The following MCRIP1 variants were observed in gnomAD, a reference collection of about 807,000 sequenced individuals.
The protein encoded by MCRIP1 is MAPK regulated corepressor interacting protein 1.
Under a neutral mutation model 14.4 loss-of-function variants are expected in MCRIP1, and 10 were observed. That is an observed-to-expected ratio of 0.70 (90% CI 0.43 to 1.18). The LOEUF (loss-of-function observed/expected upper bound fraction) is 1.18. Among genes scored for constraint, MCRIP1 ranks in the 50% most tolerant of loss-of-function variants. The pLI is 0.00. For synonymous variants in MCRIP1, 53 were observed against 55.7 expected (o/e 0.95, Z 0.21); for missense variants, 119 against 135.4 (o/e 0.88, Z 0.60).
At position 81,823,079 on chromosome 17, in the gene MCRIP1, G is replaced by A; in HGVS notation, c.*168C>T. 1.5e-6 allele frequency: 1 copy of A among 683,510 alleles called. No individual in the cohort carries two copies. The highest frequency in any genetic ancestry group is 2.3e-5 in the Admixed American group (1 of 43,952). The allele number at this position is 683,510 out of a possible 1,614,324, so 42.3% of individuals were successfully genotyped here. A position where few individuals can be genotyped will look rare whatever the true frequency, so the allele number is the denominator to read the frequency against. On this transcript the variant is annotated 3_prime_UTR_variant, in exon 5 of 5. Transcript: ENST00000455127. This position sits in a 1 kb window ranked among gnomAD's most constrained non-coding sequence, Gnocchi z 6.0. ...CCTGAGACCCCCAAGGATGAAGGAA[G>A]GGGGCTTGGGAAGGAGAGGCAGGCC...
intron 1 of MCRIP1, chr17:81,826,058 T>G: frequency 6.9e-7 from 1 of 1,453,580 alleles, no homozygotes. Flanking sequence ...CCGTGGCTCT[T>G]CTCCCCATGC....
At chr17:81,824,949 A>T in intron 1 of MCRIP1, 2 of 1,107,368 alleles carry the variant, frequency 1.8e-6, no homozygotes, top group Non-Finnish European at 2.2e-6. Context: ...CTCTCACTGC[A>T]GCAGAGGGCC....
chr17:81,823,473 C>T lies in MCRIP1; in HGVS notation c.168G>A (p.Pro56=), dbSNP rs1378548401. 7.8e-6 allele frequency: 12 copies of T among 1,536,504 alleles called. No individual in the cohort carries two copies. Among genetic ancestry groups the T allele is most frequent in the Middle Eastern group, 1.7e-4 (1 of 6,006 alleles). The change falls in exon 4 of 5, where the codon CCG becomes CCA. Residue 56 remains proline, a synonymous_variant. Coordinates refer to ENST00000455127, the MANE Select transcript of MCRIP1 (RefSeq NM_207368.5). The surrounding 1 kb of genome is among the most constrained non-coding windows in gnomAD (Gnocchi z 6.0). ...GVERDLRGQV[P]GGERGLVEEY... ...CCTCCACCAGGCCCCGCTCGCCACC[C>T]GGCACCTGGCCTCGCAGGTCTCGCT...
chr17:81,825,662 CAA>C (rs1256370476), intron 1 of MCRIP1: 7 of 1,289,302 alleles, frequency 5.4e-6, no homozygotes. Context: ...GCAAAACCAG[CAA>C]AGAGCAGAAA....
intron 1 of MCRIP1, chr17:81,825,550 G>C: frequency 7.8e-7 from 1 of 1,284,876 alleles, no homozygotes; most frequent in Non-Finnish European, 1.0e-6. Flanking sequence ...CCCTCACAGA[G>C]GGCCAGGAGC....
intron 1 of MCRIP1, among the ~76,000 whole-genome samples, chr17:81,831,176 A>AAAAAAAAAAG (rs2038510808): frequency 6.7e-6 from 1 of 149,688 alleles, no homozygotes; most frequent in African/African-American, 2.5e-5. Context: ...TGTCTCTCAA[A>AAAAAAAAAAG]AAAAAAAAAA....
intron 1 of MCRIP1, chr17:81,825,333 G>A (rs765915073): frequency 1.0e-5 from 12 of 1,164,480 alleles, no homozygotes; most frequent in Non-Finnish European, 1.3e-5. Flanking sequence ...AGGCTGGACA[G>A]TGTCCCCACT....
intron 1 of MCRIP1, among the ~76,000 whole-genome samples, chr17:81,829,157 G>A (rs1253324776): frequency 6.6e-6 from 1 of 152,148 alleles, no homozygotes; most frequent in Non-Finnish European, 1.5e-5. Context: ...GCACACGGCA[G>A]ACGGCCACCT....
Position 81,823,849 on chromosome 17 carries a change from C to T in MCRIP1, c.128-336G>A, listed in dbSNP as rs568333818. The stretch of plus-strand genomic sequence containing the variant: ...TTCCCACCTCATCCACGCACCTCCC[C>T]GGCCCCAGCACACGGCACACTCCCC... On this transcript the variant is annotated intron_variant, in intron 3 of 4. Transcript: ENST00000455127. The surrounding 1 kb of genome is among the most constrained non-coding windows in gnomAD (Gnocchi z 6.0). The T allele has an allele frequency of 2.0e-5, 11 of 552,232 alleles. No homozygotes were observed. Among genetic ancestry groups the T allele is most frequent in the South Asian group, 1.3e-4 (6 of 44,542 alleles). The allele number at this position is 552,232 out of a possible 1,614,324, so 34.2% of individuals were successfully genotyped here.
intron 1 of MCRIP1, among the ~76,000 whole-genome samples, chr17:81,831,451 A>C (rs900513285): frequency 2.6e-5 from 4 of 151,972 alleles, no homozygotes; most frequent in African/African-American, 9.7e-5. Flanking sequence ...TTGATTATCA[A>C]GAATGAAACA....
At chr17:81,828,134 G>A (rs1342008161) in intron 1 of MCRIP1, among the ~76,000 whole-genome samples, 1 of 152,056 alleles carries the variant, frequency 6.6e-6, no homozygotes, top group African/African-American at 2.4e-5. Context: ...CCTCTTGTTA[G>A]GAAAAGAAAT....
chr17:81,823,766 AC>A lies in MCRIP1; in HGVS notation c.128-254del. The stretch of plus-strand genomic sequence containing the variant: ...TGGTCAGAGGGACCCCTATGACCCT[AC>A]CCCAGGCTTCCCTGCGCCTCGGAGG... On this transcript the variant is annotated intron_variant, in intron 3 of 4. Transcript: ENST00000455127. This position sits in a 1 kb window ranked among gnomAD's most constrained non-coding sequence, Gnocchi z 6.0. 1 of 587,754 alleles carries A rather than the reference AC, an allele frequency of 1.7e-6. No individual in the cohort carries two copies. Among genetic ancestry groups the A allele is most frequent in the East Asian group, 2.8e-5 (1 of 35,466 alleles). 36.4% of individuals were successfully genotyped at this position (587,754 alleles called of 1,614,324 possible).
chr17:81,824,703 G>A (rs762744537), intron 1 of MCRIP1, 149 bp from the exon 2 acceptor site: 468 of 1,461,132 alleles, frequency 3.2e-4, no homozygotes, highest in Non-Finnish European at 4.0e-4. Flanking sequence ...CCCACAGGCT[G>A]GGGTCCAGCC....
At chr17:81,824,663 T>C (rs983015732) in intron 1 of MCRIP1, 109 bp from the exon 2 acceptor site, 17 of 1,504,864 alleles carry the variant, frequency 1.1e-5, no homozygotes, top group Non-Finnish European at 1.5e-5. Context: ...GTGAACAAAG[T>C]GCATGGTCCC....
At chr17:81,827,188 G>A (rs1056566112) in intron 1 of MCRIP1, among the ~76,000 whole-genome samples, 2 of 151,934 alleles carry the variant, frequency 1.3e-5, no homozygotes, top group South Asian at 4.2e-4. Flanking sequence ...AACACTTTGG[G>A]AGGCTAAAGA....
In MCRIP1 at chr17:81,823,641, TC is replaced by T; in HGVS notation, c.128-129del. 1.3e-6 allele frequency: 1 copy of T among 767,868 alleles called. No homozygotes were observed. Among genetic ancestry groups the T allele is most frequent in the Non-Finnish European group, 2.1e-6 (1 of 468,770 alleles). 47.6% of individuals were successfully genotyped at this position (767,868 alleles called of 1,614,324 possible). Reference sequence around the variant, plus strand: ...TCTCCCTCAGAAGTGTCCTCCATGCTCCCCCACAGCCCTCTGCCCACCCCAG... The same window carrying T: ...TCTCCCTCAGAAGTGTCCTCCATGCTCCCCACAGCCCTCTGCCCACCCCAG... On this transcript the variant is annotated intron_variant, in intron 3 of 4. Coordinates refer to ENST00000455127, the MANE Select transcript of MCRIP1 (RefSeq NM_207368.5). The surrounding 1 kb of genome is among the most constrained non-coding windows in gnomAD (Gnocchi z 6.0).
At chr17:81,826,365 C>A (rs1411433327) in intron 1 of MCRIP1, 1 of 1,535,648 alleles carries the variant, frequency 6.5e-7, no homozygotes, top group Admixed American at 2.0e-5. Context: ...GCGGCACACA[C>A]CCATATGAAC....
At chr17:81,826,753 A>T in intron 1 of MCRIP1, 1 of 171,714 alleles carries the variant, frequency 5.8e-6, no homozygotes, top group African/African-American at 2.8e-5. Context: ...CGGGAGGTGG[A>T]GGTGCAGTGA....
rs1443175701 is a variant in MCRIP1 at position 81,823,379 on chromosome 17, C to G, written c.229+33G>C. The G allele has an allele frequency of 1.3e-6, 2 of 1,536,126 alleles. No individual in the cohort carries two copies. Among genetic ancestry groups the G allele is most frequent in the African/African-American group, 2.7e-5 (2 of 72,998 alleles). On this transcript the variant is annotated intron_variant, in intron 4 of 4. Transcript: ENST00000455127. This position sits in a 1 kb window ranked among gnomAD's most constrained non-coding sequence, Gnocchi z 6.0. ...CTGCCCATGAGGCCCGGCCTGCCGGCCCAGCCCTGCCCCCAGGTCAGCCCC... is the reference window on the plus strand; with the variant it reads ...CTGCCCATGAGGCCCGGCCTGCCGGGCCAGCCCTGCCCCCAGGTCAGCCCC...
Sources: gnomAD v4.1 joint callset for allele counts (sites outside exome capture counted in the v4.1 genomes callset) on GRCh38, gnomAD v4.1.1 for gene constraint, Gnocchi (gnomAD v3.1) non-coding constraint, MANE v1.5 for transcripts, NCBI Gene and HGNC (gene_info 2026-07-23, HGNC 2026-07-21) for gene names.